DPYD: variants seen among roughly 807,000 people sequenced by gnomAD.
The protein encoded by DPYD is dihydropyrimidine dehydrogenase, also known as dihydropyrimidine dehydrogenase [NADP(+)].
A neutral mutation model predicts 116.2 loss-of-function variants in DPYD; 109 were observed. The ratio of observed to expected loss-of-function variants is 0.94; its 90% CI spans 0.80 to 1.10. The LOEUF is 1.10. DPYD is among the 50% of genes least tolerant of loss of function. The pLI is 0.00. For synonymous variants in DPYD, 440 were observed against 432.0 expected (o/e 1.02, Z -0.23); for missense variants, 1,302 against 1,254.5 (o/e 1.04, Z -0.57).
chr1:97,194,366 C>G (rs148813965), intron 19 of DPYD, among the ~76,000 whole-genome samples: 2 of 152,070 alleles, frequency 1.3e-5, no homozygotes, highest in Non-Finnish European at 2.9e-5. Context: ...CTTCCTACCA[C>G]CATGTGATGA....
chr1:97,483,017 T>A (rs1678410174), intron 13 of DPYD, among the ~76,000 whole-genome samples: 1 of 152,184 alleles, frequency 6.6e-6, no homozygotes, highest in South Asian at 2.1e-4. Flanking sequence ...AACTTAAATG[T>A]TCTTTCATTT....
At chr1:97,259,075 G>A (rs957796279) in intron 18 of DPYD, among the ~76,000 whole-genome samples, 14 of 152,068 alleles carry the variant, frequency 9.2e-5, no homozygotes, top group South Asian at 2.1e-4. Context: ...GTAAATACCT[G>A]AGGCTAACTG....
chr1:97,219,778 T>C (rs985032531), intron 19 of DPYD, among the ~76,000 whole-genome samples: 15 of 152,126 alleles, frequency 9.9e-5, no homozygotes, highest in African/African-American at 2.9e-4. Flanking sequence ...CCTGTGAAAA[T>C]GTAAAGACCT....
chr1:97,213,042 C>A (rs1660144926), intron 19 of DPYD, among the ~76,000 whole-genome samples: 1 of 152,168 alleles, frequency 6.6e-6, no homozygotes, highest in Admixed American at 6.6e-5. Flanking sequence ...TAATAGATGG[C>A]CATCTTTTTG....
At chr1:97,237,679 C>A (rs891317560) in intron 18 of DPYD, among the ~76,000 whole-genome samples, 1 of 152,046 alleles carries the variant, frequency 6.6e-6, no homozygotes, top group East Asian at 1.9e-4. Flanking sequence ...ATCTACATAA[C>A]AAAAGTTAAA....
At chr1:97,738,053 C>T (rs990476470) in intron 4 of DPYD, among the ~76,000 whole-genome samples, 1 of 152,026 alleles carries the variant, frequency 6.6e-6, no homozygotes, top group Non-Finnish European at 1.5e-5. Context: ...ATGGAAAAAT[C>T]GATGGCTTAC....
chr1:97,587,193 C>T (rs1426644772), intron 10 of DPYD, among the ~76,000 whole-genome samples: 1 of 152,166 alleles, frequency 6.6e-6, no homozygotes, highest in Non-Finnish European at 1.5e-5. Flanking sequence ...ATCCCCCTGT[C>T]ATCATAAAGT....
intron 12 of DPYD, among the ~76,000 whole-genome samples, chr1:97,523,079 T>C (rs1453708710): frequency 1.3e-5 from 2 of 152,180 alleles, no homozygotes; most frequent in African/African-American, 2.4e-5. Context: ...TTTTATAACC[T>C]GGACATCACC....
intron 20 of DPYD, among the ~76,000 whole-genome samples, chr1:97,108,906 G>A (rs1299684555): frequency 2.0e-5 from 3 of 152,070 alleles, no homozygotes; most frequent in Non-Finnish European, 2.9e-5. Flanking sequence ...ATACACATGT[G>A]GATGCATTTG....
chr1:97,384,631 G>C (rs1557674882), intron 14 of DPYD, among the ~76,000 whole-genome samples: 1 of 152,080 alleles, frequency 6.6e-6, no homozygotes, highest in Non-Finnish European at 1.5e-5. Context: ...GATTATATGA[G>C]TAAGAGTGAA....
chr1:97,360,878 TA>T lies in DPYD; in HGVS notation c.2058+12682del, dbSNP rs1160775442. The stretch of plus-strand genomic sequence containing the variant: ...GAAAGATCCAAAACTGACACCCTAA[TA>T]TCACAATTAAAAGAACTAGAGAAGC... On this transcript the variant is annotated intron_variant, in intron 16 of 22. Transcript: ENST00000370192. Among the ~76,000 whole-genome samples the T allele has an allele frequency of 2.6e-5, 4 of 151,908 alleles. No homozygotes were observed. In the East Asian group the frequency reaches 7.8e-4, roughly 30 times the overall value.
At chr1:97,604,500 T>C (rs1425885027) in intron 8 of DPYD, among the ~76,000 whole-genome samples, 1 of 152,126 alleles carries the variant, frequency 6.6e-6, no homozygotes, top group African/African-American at 2.4e-5. Flanking sequence ...CTTTAAATGA[T>C]AAACTTCTGT....
At chr1:97,330,954 T>TA (rs1668958410) in intron 16 of DPYD, among the ~76,000 whole-genome samples, 1 of 152,210 alleles carries the variant, frequency 6.6e-6, no homozygotes, top group African/African-American at 2.4e-5. Context: ...AATTCTTGAC[T>TA]AAATATTCAT....
At chr1:97,494,772 ACACACATACG>A (rs1210927469) in intron 13 of DPYD, among the ~76,000 whole-genome samples, 1 of 149,478 alleles carries the variant, frequency 6.7e-6, no homozygotes, top group East Asian at 1.9e-4. Flanking sequence ...ACACACACAC[ACACACATACG>A]CACACACACA....
In DPYD at chr1:97,549,681, G is replaced by T. The variant is rs199549923; in HGVS notation, c.1403C>A (p.Thr468Asn). The T allele has an allele frequency of 1.9e-6, 3 of 1,613,856 alleles. No individual in the cohort carries two copies. The highest frequency in any genetic ancestry group is 2.5e-6 in the Non-Finnish European group (3 of 1,179,874). ...TACCCATGCTTCACTAGTTTGCATA[G>T]TTTCTGGATCTACTTCTGGGAGACC... ...RWGLPEVDPETMQTSEAWVFA... is the reference protein window; with the variant it reads ...RWGLPEVDPENMQTSEAWVFA... Residue 468 changes from threonine (T) to asparagine (N), a missense_variant, in exon 12 of 23, where the codon ACT (threonine) becomes AAT (asparagine). By Grantham distance (65) the Thr-to-Asn change is moderately conservative. Coordinates refer to ENST00000370192, the MANE Select transcript of DPYD (RefSeq NM_000110.4).
chr1:97,371,058 G>A (rs571885913), intron 16 of DPYD, among the ~76,000 whole-genome samples: 2 of 151,938 alleles, frequency 1.3e-5, no homozygotes, highest in South Asian at 4.1e-4. Context: ...ATATAGATGT[G>A]TATATATAAG....
intron 8 of DPYD, among the ~76,000 whole-genome samples, chr1:97,650,382 C>T (rs1234961386): frequency 6.6e-6 from 1 of 152,102 alleles, no homozygotes; most frequent in African/African-American, 2.4e-5. Flanking sequence ...AATCATTCAA[C>T]AAAACATTTA....
At chr1:97,680,818 T>C (rs915682578) in intron 7 of DPYD, among the ~76,000 whole-genome samples, 6 of 152,092 alleles carry the variant, frequency 3.9e-5, no homozygotes, top group Non-Finnish European at 8.8e-5. Context: ...ACTGGCCTCT[T>C]GAGTGAAGTT....
At chr1:97,655,676 A>C (rs867385532) in intron 8 of DPYD, among the ~76,000 whole-genome samples, 1 of 152,222 alleles carries the variant, frequency 6.6e-6, no homozygotes, top group South Asian at 2.1e-4. Context: ...ATCAAATTAG[A>C]ATAACAAGCA....
Sources: allele counts gnomAD v4.1 joint callset (sites outside exome capture counted in the v4.1 genomes callset), GRCh38; gene constraint gnomAD v4.1.1; transcripts MANE v1.5; gene names NCBI Gene and HGNC (gene_info 2026-07-23, HGNC 2026-07-21).